AUTS2: variants seen among roughly 807,000 people sequenced by gnomAD.
AUTS2 encodes the protein autism susceptibility gene 2 protein.
AUTS2 carries 17 observed loss-of-function variants against 112.4 expected under a neutral mutation model. The ratio of observed to expected loss-of-function variants is 0.15; its 90% CI spans 0.10 to 0.23. The LOEUF (loss-of-function observed/expected upper bound fraction) is 0.23. Among genes scored for constraint, AUTS2 ranks in the 10% least tolerant of loss-of-function variants. The probability of loss-of-function intolerance (pLI) is 1.00; values close to 1 mark genes in which losing one functional copy is unlikely to be tolerated. For synonymous variants in AUTS2, 751 were observed against 702.7 expected (o/e 1.07, Z -1.09); for missense variants, 1,510 against 1,701.6 (o/e 0.89, Z 1.98).
intron 6 of AUTS2, among the ~76,000 whole-genome samples, chr7:70,755,795 T>G (rs1789159166): frequency 6.6e-6 from 1 of 152,016 alleles, no homozygotes. Context: ...TAGCATCTCT[T>G]TTTTTACTTT....
At chr7:70,752,282 G>A (rs958617388) in intron 6 of AUTS2, among the ~76,000 whole-genome samples, 53 of 152,128 alleles carry the variant, frequency 3.5e-4, no homozygotes, top group African/African-American at 2.4e-4. Flanking sequence ...AAGTGGGGCC[G>A]TGTCTTTAAA....
chr7:70,022,899 C>T (rs550621663), intron 2 of AUTS2, among the ~76,000 whole-genome samples: 6 of 152,032 alleles, frequency 3.9e-5, no homozygotes, highest in South Asian at 2.1e-4. Flanking sequence ...TCGCCCAGGC[C>T]GGAGTGCAGT....
intron 1 of AUTS2, among the ~76,000 whole-genome samples, chr7:69,768,766 C>G (rs906472470): frequency 1.3e-5 from 2 of 152,136 alleles, no homozygotes; most frequent in African/African-American, 4.8e-5. Context: ...GAAAATGAGT[C>G]ACAGAGGAGG....
intron 2 of AUTS2, among the ~76,000 whole-genome samples, chr7:69,977,836 G>T (rs553733755): frequency 9.9e-5 from 15 of 152,250 alleles, no homozygotes; most frequent in Non-Finnish European, 1.8e-4. Flanking sequence ...CCTATAAAAT[G>T]AAAACTCCTG....
At chr7:69,907,561 A>C (rs752029901) in intron 2 of AUTS2, among the ~76,000 whole-genome samples, 34 of 152,212 alleles carry the variant, frequency 2.2e-4, no homozygotes, top group African/African-American at 7.5e-4. Context: ...AAAGCTATGC[A>C]ATTTGTTATT....
chr7:69,697,807 C>A (rs1797619701), intron 1 of AUTS2, among the ~76,000 whole-genome samples: 1 of 152,178 alleles, frequency 6.6e-6, no homozygotes, highest in African/African-American at 2.4e-5. Flanking sequence ...GTTAAGTGAT[C>A]TTGGCTGAAC....
intron 5 of AUTS2, among the ~76,000 whole-genome samples, chr7:70,555,542 AC>A (rs1801211038): frequency 6.6e-6 from 1 of 152,108 alleles, no homozygotes; most frequent in Non-Finnish European, 1.5e-5. Context: ...GGACCCTGGC[AC>A]AGTGTCCTGT....
chr7:70,188,784 C>CTT (rs530872900), intron 4 of AUTS2, among the ~76,000 whole-genome samples: 20 of 142,818 alleles, frequency 1.4e-4, no homozygotes, highest in Non-Finnish European at 1.7e-4. Flanking sequence ...TTCTTTCTTT[C>CTT]TTTTTTTTTT....
chr7:69,717,440 G>C (rs1342327122), intron 1 of AUTS2, among the ~76,000 whole-genome samples: 3 of 152,182 alleles, frequency 2.0e-5, no homozygotes, highest in Admixed American at 6.5e-5. Flanking sequence ...GCCCTGTGTG[G>C]AAACTTTATA....
intron 1 of AUTS2, among the ~76,000 whole-genome samples, chr7:69,796,154 A>G (rs1789831205): frequency 6.6e-6 from 1 of 152,178 alleles, no homozygotes; most frequent in African/African-American, 2.4e-5. Flanking sequence ...TCGCATCTTC[A>G]GCAATCCATA....
chr7:69,907,938 G>A lies in AUTS2; in HGVS notation c.522+8440G>A, dbSNP rs567043126. 2.6e-5 allele frequency among the ~76,000 whole-genome samples: 4 copies of A among 152,324 alleles called. No individual in the cohort carries two copies. The East Asian group carries it at 7.7e-4, about 29-fold the overall frequency. On this transcript the variant is annotated intron_variant, in intron 2 of 18. Transcript: ENST00000342771. ...TTGCTAAAGCATTAGTAGCATTACT[G>A]AAATGGTAGCTTTTGTAAATGTTTA...
intron 2 of AUTS2, 103 bp from the exon 3 acceptor site, chr7:70,118,029 T>G: frequency 2.9e-6 from 4 of 1,357,134 alleles, no homozygotes; most frequent in Non-Finnish European, 3.8e-6. Flanking sequence ...ATTACAGGCG[T>G]GAGCCACCGT....
At position 69,636,491 on chromosome 7, in the gene AUTS2, C is replaced by CT. The variant is rs1554337496; in HGVS notation, c.309+36529_309+36530insT. Among the ~76,000 whole-genome samples, 10 of 97,470 alleles carry CT rather than the reference C, an allele frequency of 1.0e-4. 2 individuals carry two copies. The highest frequency in any genetic ancestry group is 1.4e-4 in the Non-Finnish European group (6 of 42,254). 63.9% of individuals were successfully genotyped at this position (97,470 alleles called of 152,430 possible). A position where few individuals can be genotyped will look rare whatever the true frequency, so the allele number is the denominator to read the frequency against. On this transcript the variant is annotated intron_variant, in intron 1 of 18. Coordinates refer to ENST00000342771, the MANE Select transcript of AUTS2 (RefSeq NM_015570.4). ...CTCAAGTGATCCGCGCCCCCCCCCC[C>CT]CCTTGGCCTCCCAAAGTGCTAGGAT...
intron 2 of AUTS2, among the ~76,000 whole-genome samples, chr7:70,033,469 G>A (rs1189416740): frequency 6.6e-6 from 1 of 152,170 alleles, no homozygotes; most frequent in Non-Finnish European, 1.5e-5. Flanking sequence ...GGCAAGATCT[G>A]TGTGGCTCTA....
At position 70,428,422 on chromosome 7, in the gene AUTS2, T is replaced by C. The variant is rs78055474; in HGVS notation, c.661-7330T>C. On this transcript the variant is annotated intron_variant, in intron 4 of 18. Transcript: ENST00000342771. The stretch of plus-strand genomic sequence containing the variant: ...TATCTTACTTCTTTAAATAAGAAAA[T>C]AAGTGTCATGTTTTCTGCAGGTGGC... 4.9e-3 allele frequency among the ~76,000 whole-genome samples: 747 copies of C among 152,248 alleles called. 9 individuals are homozygous for C. Among genetic ancestry groups the C allele is most frequent in the Admixed American group, 0.024 (364 of 15,284 alleles).
chr7:70,245,388 C>G (rs1352003628), intron 4 of AUTS2, among the ~76,000 whole-genome samples: 1 of 151,920 alleles, frequency 6.6e-6, no homozygotes, highest in African/African-American at 2.4e-5. Context: ...ACCCACCAGT[C>G]TAATTGTTTC....
intron 2 of AUTS2, among the ~76,000 whole-genome samples, chr7:70,008,356 T>C (rs185572471): frequency 3.3e-5 from 5 of 152,304 alleles, no homozygotes; most frequent in East Asian, 3.9e-4. Context: ...TTTATTTTAT[T>C]GATGGGTAAT....
At chr7:70,057,523 T>TTA (rs1200110116) in intron 2 of AUTS2, among the ~76,000 whole-genome samples, 1 of 152,234 alleles carries the variant, frequency 6.6e-6, no homozygotes, top group East Asian at 1.9e-4. Context: ...ATGGTCACTG[T>TTA]TACAGGTATT....
chr7:70,732,498 A>G (rs1787479423), intron 6 of AUTS2, among the ~76,000 whole-genome samples: 6 of 152,146 alleles, frequency 3.9e-5, no homozygotes, highest in Admixed American at 3.9e-4. Context: ...TTTCCTTCCT[A>G]GCAGTGCTAT....
Sources: gnomAD v4.1 joint callset for allele counts (sites outside exome capture counted in the v4.1 genomes callset) on GRCh38, gnomAD v4.1.1 for gene constraint, MANE v1.5 for transcripts, NCBI Gene and HGNC (gene_info 2026-07-23, HGNC 2026-07-21) for gene names.